NPY2R: variants seen among roughly 807,000 people sequenced by gnomAD.
NPY2R encodes neuropeptide Y receptor type 2.
In NPY2R, 17 loss-of-function variants were observed where a neutral mutation model predicts 22.3. The observed-to-expected ratio is 0.76, with a 90% confidence interval of 0.52 to 1.14. The LOEUF (loss-of-function observed/expected upper bound fraction) is 1.14, where lower values mean the gene tolerates loss of function less well. Among genes scored for constraint, NPY2R ranks in the 50% most tolerant of loss-of-function variants. The pLI is 0.00. For missense variants in NPY2R, 424 were observed against 467.9 expected (o/e 0.91, Z 0.87); for synonymous variants, 209 against 183.4 (o/e 1.14, Z -1.13).
the NPY2R span, among the ~76,000 whole-genome samples, chr4:155,201,139 A>G: frequency 3.6e-4 from 55 of 152,260 alleles, no homozygotes; most frequent in Non-Finnish European, 5.1e-4. Flanking sequence ...TCCATTGTAT[A>G]TACGTGCCAT....
the NPY2R span, among the ~76,000 whole-genome samples, chr4:155,189,746 G>T: frequency 6.6e-6 from 1 of 151,812 alleles, no homozygotes; most frequent in South Asian, 2.1e-4. Flanking sequence ...ACCAGGAGTA[G>T]GGACCCTACT....
At chr4:155,186,208 C>T in the NPY2R span, among the ~76,000 whole-genome samples, 5 of 152,150 alleles carry the variant, frequency 3.3e-5, no homozygotes, top group African/African-American at 1.2e-4. Flanking sequence ...TTTAAACTAA[C>T]ACATTAGAAA....
chr4:155,215,419 G>C lies in NPY2R; in HGVS notation c.*334G>C, dbSNP rs1158789523. On this transcript the variant is annotated 3_prime_UTR_variant, in exon 2 of 2. Coordinates refer to ENST00000329476, the MANE Select transcript of NPY2R (RefSeq NM_000910.4). ...TATTATCAAAGCATTGCTGAGAGACGGTGGGAAAATAAGTTGACTTTCAAA... is the reference window on the plus strand; with the variant it reads ...TATTATCAAAGCATTGCTGAGAGACCGTGGGAAAATAAGTTGACTTTCAAA... 1 of 399,918 alleles carries C rather than the reference G, an allele frequency of 2.5e-6. No individual in the cohort carries two copies. The highest frequency in any genetic ancestry group is 6.2e-5 in the East Asian group (1 of 16,204). The allele number at this position is 399,918 out of a possible 1,614,324, so 24.8% of individuals were successfully genotyped here. A position where few individuals can be genotyped will look rare whatever the true frequency, so the allele number is the denominator to read the frequency against.
the NPY2R span, among the ~76,000 whole-genome samples, chr4:155,196,490 C>T: frequency 6.6e-6 from 1 of 151,808 alleles, no homozygotes; most frequent in Non-Finnish European, 1.5e-5. Flanking sequence ...CAGATTGAAG[C>T]CAAGGCAGTA....
At chr4:155,185,352 A>G in the NPY2R span, among the ~76,000 whole-genome samples, 2 of 152,146 alleles carry the variant, frequency 1.3e-5, no homozygotes, top group Non-Finnish European at 2.9e-5. Flanking sequence ...TATATTTTTA[A>G]TAAAAATTCC....
At chr4:155,185,076 G>A in the NPY2R span, among the ~76,000 whole-genome samples, 1 of 148,800 alleles carries the variant, frequency 6.7e-6, no homozygotes, top group Non-Finnish European at 1.5e-5. Flanking sequence ...GTCTCGCTCT[G>A]TCACCCAGGT....
the NPY2R span, among the ~76,000 whole-genome samples, chr4:155,203,500 A>G: frequency 1.3e-5 from 2 of 152,200 alleles, no homozygotes; most frequent in African/African-American, 2.4e-5. Flanking sequence ...TTAAAGTAGT[A>G]CACTTATATA....
chr4:155,185,044 A>ATATATATTTT, the NPY2R span, among the ~76,000 whole-genome samples: 158 of 140,620 alleles, frequency 1.1e-3, no homozygotes, highest in African/African-American at 3.6e-3. Context: ...ATATATATAT[A>ATATATATTTT]TTTTTTTTTT....
the NPY2R span, among the ~76,000 whole-genome samples, chr4:155,196,753 T>C: frequency 1.3e-4 from 19 of 151,926 alleles, no homozygotes; most frequent in East Asian, 2.1e-3. Context: ...GCCTTCCAGA[T>C]GTACCAAAGA....
At chr4:155,184,959 A>T in the NPY2R span, among the ~76,000 whole-genome samples, 1 of 148,126 alleles carries the variant, frequency 6.8e-6, no homozygotes, top group African/African-American at 2.4e-5. Context: ...TATATATATT[A>T]TATATATTTA....
chr4:155,178,747 C>G, the NPY2R span, among the ~76,000 whole-genome samples: 1 of 152,096 alleles, frequency 6.6e-6, no homozygotes, highest in Non-Finnish European at 1.5e-5. Flanking sequence ...TTAATGAAGT[C>G]CCCCTTTGTC....
the NPY2R span, among the ~76,000 whole-genome samples, chr4:155,177,281 A>C: frequency 4.6e-5 from 7 of 152,200 alleles, no homozygotes; most frequent in Non-Finnish European, 8.8e-5. Flanking sequence ...AACCTGTGAA[A>C]TCAAACAAGT....
the NPY2R span, among the ~76,000 whole-genome samples, chr4:155,199,974 A>G: frequency 6.6e-6 from 1 of 152,052 alleles, no homozygotes; most frequent in African/African-American, 2.4e-5. Context: ...GACGACAACA[A>G]CAAAAGCAAC....
At chr4:155,208,162 TC>T, upstream of NPY2R, 1 of 151,930 alleles carries the variant, frequency 6.6e-6, no homozygotes, top group Non-Finnish European at 1.5e-5. This position sits in a 1 kb window ranked among gnomAD's most constrained non-coding sequence, Gnocchi z 5.6. Context: ...CGGATCCAGC[TC>T]CCCATCTCTG....
upstream of NPY2R, among the ~76,000 whole-genome samples, chr4:155,203,858 ATT>A (rs753933123): frequency 1.1e-4 from 16 of 152,218 alleles, no homozygotes; most frequent in Non-Finnish European, 2.4e-4. Context: ...GATTATTAAT[ATT>A]TCCTAACTAG....
chr4:155,176,700 T>G, the NPY2R span, among the ~76,000 whole-genome samples: 3 of 152,114 alleles, frequency 2.0e-5, no homozygotes, highest in African/African-American at 7.2e-5. Flanking sequence ...TTGGCAAAAC[T>G]GCACACACTA....
chr4:155,197,080 G>T, the NPY2R span, among the ~76,000 whole-genome samples: 1 of 151,686 alleles, frequency 6.6e-6, no homozygotes, highest in South Asian at 2.1e-4. Flanking sequence ...GATGAAGAAA[G>T]AATTAATATA....
rs1209226736 is a variant in NPY2R, at chr4:155,208,802, G to C, written c.-316G>C. On this transcript the variant is annotated 5_prime_UTR_variant, in exon 1 of 2. Transcript: ENST00000329476. The surrounding 1 kb of genome is among the most constrained non-coding windows in gnomAD (Gnocchi z 5.6). ...ATCTCTGATCCTCCCACCTTCACCC[G>C]CCCACCCCGCGAGTGAGTGCGGTGC... is the stretch of plus-strand genomic sequence containing the variant. 1.3e-5 allele frequency: 2 copies of C among 151,958 alleles called. No individual in the cohort carries two copies. Among genetic ancestry groups the C allele is most frequent in the African/African-American group, 4.8e-5 (2 of 41,346 alleles). 9.4% of individuals were successfully genotyped at this position (151,958 alleles called of 1,614,324 possible). A position where few individuals can be genotyped will look rare whatever the true frequency, so the allele number is the denominator to read the frequency against.
chr4:155,213,526 A>G (rs1729446662), intron 1 of NPY2R, among the ~76,000 whole-genome samples: 1 of 152,216 alleles, frequency 6.6e-6, no homozygotes, highest in Non-Finnish European at 1.5e-5. Flanking sequence ...AAATTAATTC[A>G]ATGAATTCAT....
Sources: gnomAD v4.1 joint callset for allele counts (sites outside exome capture counted in the v4.1 genomes callset) on GRCh38, gnomAD v4.1.1 for gene constraint, Gnocchi (gnomAD v3.1) non-coding constraint, MANE v1.5 for transcripts, NCBI Gene and HGNC (gene_info 2026-07-23, HGNC 2026-07-21) for gene names.